The following GPRASP3 variants were observed in gnomAD, a reference collection of about 807,000 sequenced individuals.
GPRASP3 encodes the protein G protein-coupled receptor associated sorting protein 3.
chrX:102,728,666 C>A, the GPRASP3 span, among the ~76,000 whole-genome samples: 33 of 105,697 alleles, frequency 3.1e-4, no homozygotes, highest in Non-Finnish European at 5.4e-4. Context: ...ATCCTCCCAC[C>A]TTGGACTCCC....
At chrX:102,749,516 T>C in the GPRASP3 span, 2 of 1,211,755 alleles carry the variant, frequency 1.7e-6, no homozygotes, top group Admixed American at 2.2e-5. Flanking sequence ...GAGAATGTTA[T>C]TGGGAACTGG....
chrX:102,749,431 G>T, the GPRASP3 span: 21 of 1,210,364 alleles, frequency 1.7e-5, no homozygotes, highest in Middle Eastern at 2.3e-4. Context: ...TGGTGCCCAG[G>T]TCTGTGCTGA....
the GPRASP3 span, among the ~76,000 whole-genome samples, chrX:102,731,314 G>T: frequency 1.8e-5 from 2 of 112,371 alleles, no homozygotes; most frequent in Non-Finnish European, 3.8e-5. Context: ...CAGAGCAGGA[G>T]TGGAAGTTTA....
At chrX:102,738,449 A>G in the GPRASP3 span, among the ~76,000 whole-genome samples, 48 of 111,509 alleles carry the variant, frequency 4.3e-4, no homozygotes, top group Non-Finnish European at 7.0e-4. Flanking sequence ...GGGTTCCAGA[A>G]TTAACTGGTC....
At chrX:102,753,033 T>G in the GPRASP3 span, 7 of 121,858 alleles carry the variant, frequency 5.7e-5, no homozygotes, top group Non-Finnish European at 1.9e-5. Flanking sequence ...TCTACCCATC[T>G]TGGTCTCCCT....
the GPRASP3 span, among the ~76,000 whole-genome samples, chrX:102,742,023 A>T: frequency 8.9e-6 from 1 of 112,417 alleles, no homozygotes; most frequent in Admixed American, 9.4e-5. Flanking sequence ...AAAAGGTACA[A>T]TAATATAGGT....
the GPRASP3 span, chrX:102,749,032 A>C: frequency 2.5e-6 from 3 of 1,210,577 alleles, no homozygotes; most frequent in East Asian, 8.9e-5. Context: ...AGCCCAGGCC[A>C]AAACTGAAAA....
chrX:102,738,864 G>A, the GPRASP3 span, among the ~76,000 whole-genome samples: 1 of 111,785 alleles, frequency 8.9e-6, no homozygotes, highest in Admixed American at 9.5e-5. Context: ...CTAAGGACAT[G>A]TACCCAAGGT....
the GPRASP3 span, among the ~76,000 whole-genome samples, chrX:102,741,661 G>A: frequency 8.9e-6 from 1 of 111,977 alleles, no homozygotes; most frequent in African/African-American, 3.2e-5. Flanking sequence ...TGGGTGGGGG[G>A]AGAGCCCTCT....
the GPRASP3 span, chrX:102,752,392 T>A: frequency 8.1e-6 from 1 of 123,754 alleles, no homozygotes; most frequent in Non-Finnish European, 1.9e-5. Flanking sequence ...TTCCCCCCAC[T>A]GTATACTGTA....
the GPRASP3 span, among the ~76,000 whole-genome samples, chrX:102,731,890 G>C: frequency 8.9e-6 from 1 of 111,758 alleles, no homozygotes; most frequent in African/African-American, 3.3e-5. Flanking sequence ...TTTTCCAGTG[G>C]AGTGCCCCCA....
chrX:102,751,153 T>C, the GPRASP3 span: 11 of 124,397 alleles, frequency 8.8e-5, no homozygotes, highest in Admixed American at 3.7e-4. Context: ...CTGTATCAGA[T>C]ACTCGTTCCG....
the GPRASP3 span, among the ~76,000 whole-genome samples, chrX:102,742,519 G>A: frequency 8.5e-4 from 96 of 112,488 alleles, no homozygotes; most frequent in Middle Eastern, 4.7e-3. Context: ...ATACTTTGCA[G>A]ACCCTGCCTT....
At chrX:102,750,381 T>A in the GPRASP3 span, 9 of 1,203,072 alleles carry the variant, frequency 7.5e-6, 1 homozygote, top group South Asian at 1.5e-4. Flanking sequence ...AAACCAGAAA[T>A]CTTGTTTTGA....
the GPRASP3 span, among the ~76,000 whole-genome samples, chrX:102,731,730 A>T: frequency 1.3e-4 from 15 of 111,625 alleles, no homozygotes; most frequent in African/African-American, 4.9e-4. Flanking sequence ...TTTAACTTTG[A>T]TCCTAGGATT....
chrX:102,733,154 G>A, the GPRASP3 span, among the ~76,000 whole-genome samples: 1 of 112,392 alleles, frequency 8.9e-6, no homozygotes, highest in Admixed American at 9.4e-5. Flanking sequence ...ATTGCCATAA[G>A]TTAAGAATAC....
At chrX:102,751,393 GTTAC>G in the GPRASP3 span, 1 of 122,921 alleles carries the variant, frequency 8.1e-6, no homozygotes, top group Non-Finnish European at 1.9e-5. Context: ...TTGTGAGTTA[GTTAC>G]TTATATTTTT....
At chrX:102,724,175 C>G in the GPRASP3 span, among the ~76,000 whole-genome samples, 6 of 111,727 alleles carry the variant, frequency 5.4e-5, no homozygotes, top group East Asian at 8.4e-4. Flanking sequence ...GGGCTGGTAT[C>G]TGATCTAAAG....
the GPRASP3 span, among the ~76,000 whole-genome samples, chrX:102,741,340 C>T: frequency 8.9e-6 from 1 of 112,020 alleles, no homozygotes; most frequent in African/African-American, 3.2e-5. Context: ...TGTGGGCTGC[C>T]TGCATGCAAG....
Sources: gnomAD v4.1 joint callset for allele counts (sites outside exome capture counted in the v4.1 genomes callset) on GRCh38, gnomAD v4.1.1 for gene constraint, MANE v1.5 for transcripts, NCBI Gene and HGNC (gene_info 2026-07-23, HGNC 2026-07-21) for gene names.